The following BTC variants were observed in gnomAD, a reference collection of about 807,000 sequenced individuals.
BTC encodes the protein betacellulin.
Under a neutral mutation model 18.1 loss-of-function variants are expected in BTC, and 13 were observed. That is an observed-to-expected ratio of 0.72 (90% CI 0.47 to 1.14). BTC has a LOEUF of 1.14. BTC is among the 50% of genes most tolerant of loss of function. The probability of loss-of-function intolerance (pLI) is 0.00; values close to 1 mark genes in which losing one functional copy is unlikely to be tolerated. For synonymous variants in BTC, 83 were observed against 79.4 expected (o/e 1.05, Z -0.24); for missense variants, 247 against 224.2 (o/e 1.10, Z -0.65).
At chr4:74,762,607 C>T (rs879965787) in intron 2 of BTC, among the ~76,000 whole-genome samples, 2 of 150,714 alleles carry the variant, frequency 1.3e-5, no homozygotes, top group Non-Finnish European at 3.0e-5. Context: ...AGGAAGGAAA[C>T]AAAAAAGTGA....
chr4:74,759,255 A>C (rs1724685130), intron 2 of BTC, among the ~76,000 whole-genome samples: 1 of 151,094 alleles, frequency 6.6e-6, no homozygotes, highest in East Asian at 1.9e-4. Context: ...GATTGGTCCT[A>C]AGTGTCGTAT....
intron 1 of BTC, among the ~76,000 whole-genome samples, chr4:74,783,111 C>G (rs538808211): frequency 2.0e-5 from 3 of 152,232 alleles, no homozygotes; most frequent in South Asian, 4.1e-4. Context: ...TAATTAGATA[C>G]CACTTGTCAA....
intron 1 of BTC, among the ~76,000 whole-genome samples, chr4:74,779,321 G>A (rs1008143671): frequency 6.6e-6 from 1 of 152,116 alleles, no homozygotes; most frequent in African/African-American, 2.4e-5. Flanking sequence ...ACACGACAAT[G>A]TCTTTGCCAG....
At chr4:74,787,882 T>G (rs889680073) in intron 1 of BTC, among the ~76,000 whole-genome samples, 1 of 152,102 alleles carries the variant, frequency 6.6e-6, no homozygotes, top group African/African-American at 2.4e-5. Context: ...AGCCTAGCAA[T>G]ACATGATTAG....
chr4:74,763,975 T>C (rs554500238), intron 2 of BTC, among the ~76,000 whole-genome samples: 3 of 138,224 alleles, frequency 2.2e-5, no homozygotes, highest in African/African-American at 3.2e-5. Context: ...CCTGTAAATA[T>C]GTATAATTAT....
intron 1 of BTC, among the ~76,000 whole-genome samples, chr4:74,780,028 C>T (rs929890538): frequency 6.6e-5 from 10 of 152,058 alleles, no homozygotes; most frequent in Non-Finnish European, 1.5e-4. Flanking sequence ...AAGGAAATGA[C>T]ATAGAAATGA....
chr4:74,792,480 G>A (rs763864627), intron 1 of BTC, among the ~76,000 whole-genome samples: 4 of 152,046 alleles, frequency 2.6e-5, no homozygotes, highest in Admixed American at 6.6e-5. Flanking sequence ...GCCCACAGGC[G>A]CCCCCCCTTC....
intron 1 of BTC, 55 bp from the exon 2 acceptor site, chr4:74,770,211 C>G: frequency 7.1e-7 from 1 of 1,414,880 alleles, no homozygotes; most frequent in Non-Finnish European, 9.9e-7. Flanking sequence ...TATTGTGAAA[C>G]AGTCTATCAA....
intron 1 of BTC, among the ~76,000 whole-genome samples, chr4:74,789,896 ATCAATGCTAGGCAAGTGCAGTAAAGCTCT>A (rs1490488553): frequency 6.6e-6 from 1 of 152,252 alleles, no homozygotes; most frequent in East Asian, 1.9e-4. Flanking sequence ...TGTGTCTGAT[ATCAATGCTAGGCAAGTGCAGTAAAGCTCT>A]TCATTGCATG....
intron 4 of BTC, among the ~76,000 whole-genome samples, chr4:74,748,406 G>A (rs569953052): frequency 4.7e-4 from 71 of 152,070 alleles, no homozygotes; most frequent in African/African-American, 1.6e-3. Flanking sequence ...CGTGGTGGTG[G>A]GCGCCTGTAG....
At chr4:74,789,207 T>C (rs1725558964) in intron 1 of BTC, among the ~76,000 whole-genome samples, 1 of 152,216 alleles carries the variant, frequency 6.6e-6, no homozygotes, top group African/African-American at 2.4e-5. Flanking sequence ...TTCAAAGCAC[T>C]TTTGAAAGCA....
chr4:74,751,586 CA>C (rs1397477310), intron 3 of BTC, among the ~76,000 whole-genome samples: 1 of 152,138 alleles, frequency 6.6e-6, no homozygotes, highest in Non-Finnish European at 1.5e-5. Flanking sequence ...CCTTAGGATA[CA>C]TCTAACATAA....
intron 1 of BTC, 152 bp from the exon 2 acceptor site, chr4:74,770,308 G>A (rs1256197536): frequency 1.6e-6 from 1 of 612,424 alleles, no homozygotes; most frequent in East Asian, 3.0e-5. Flanking sequence ...GGGATACAGA[G>A]GCCAGCATGC....
At chr4:74,750,507 A>G in intron 4 of BTC, 66 bp downstream of exon 4, 1 of 1,483,986 alleles carries the variant, frequency 6.7e-7, no homozygotes, top group Non-Finnish European at 9.1e-7. Flanking sequence ...GAGGAAGAAA[A>G]GAAGAAAAAC....
At chr4:74,784,423 A>G (rs1203657084) in intron 1 of BTC, among the ~76,000 whole-genome samples, 1 of 151,780 alleles carries the variant, frequency 6.6e-6, no homozygotes, top group Non-Finnish European at 1.5e-5. Context: ...CATACTCTTT[A>G]TTTCTTTCTC....
At chr4:74,786,632 A>G (rs1725484527) in intron 1 of BTC, among the ~76,000 whole-genome samples, 1 of 151,732 alleles carries the variant, frequency 6.6e-6, no homozygotes, top group African/African-American at 2.4e-5. Context: ...CACAAGAGAG[A>G]AAATCATCTG....
Position 74,745,200 on chromosome 4 carries a change from T to C in BTC, c.*1477A>G, listed in dbSNP as rs1427477357. On this transcript the variant is annotated 3_prime_UTR_variant, in exon 6 of 6. Coordinates refer to ENST00000395743, the MANE Select transcript of BTC (RefSeq NM_001729.4). ...ATTAAATCAGGAGAAAAAATAGATT[T>C]TGAAAATTATCAGTTGTTTGGCTTA... 6.6e-6 allele frequency: 1 copy of C among 152,222 alleles called. No individual in the cohort carries two copies. The highest frequency in any genetic ancestry group is 1.5e-5 in the Non-Finnish European group (1 of 68,036). 9.4% of individuals were successfully genotyped at this position (152,222 alleles called of 1,614,324 possible). A position where few individuals can be genotyped will look rare whatever the true frequency, so the allele number is the denominator to read the frequency against.
chr4:74,781,014 C>T (rs976265757), intron 1 of BTC, among the ~76,000 whole-genome samples: 1 of 151,732 alleles, frequency 6.6e-6, no homozygotes, highest in East Asian at 1.9e-4. Context: ...TGCCAAAGTG[C>T]AGTAATATCA....
intron 2 of BTC, among the ~76,000 whole-genome samples, chr4:74,761,910 C>A (rs1553957378): frequency 1.3e-5 from 2 of 152,276 alleles, no homozygotes; most frequent in Non-Finnish European, 2.9e-5. Context: ...AGGCCTTATA[C>A]TCCTTGGCAA....
Sources: gnomAD v4.1 joint callset for allele counts (sites outside exome capture counted in the v4.1 genomes callset) on GRCh38, gnomAD v4.1.1 for gene constraint, MANE v1.5 for transcripts, NCBI Gene and HGNC (gene_info 2026-07-23, HGNC 2026-07-21) for gene names.